RPS27A: variants seen among roughly 807,000 people sequenced by gnomAD.
The protein encoded by RPS27A is ubiquitin-ribosomal protein eS31 fusion protein.
RPS27A carries 1 observed loss-of-function variant against 18.9 expected under a neutral mutation model. The observed-to-expected ratio is 0.05, with a 90% confidence interval of 0.02 to 0.25. The LOEUF (loss-of-function observed/expected upper bound fraction) is 0.25, where lower values mean the gene tolerates loss of function less well. Among genes scored for constraint, RPS27A ranks in the 10% least tolerant of loss-of-function variants. The pLI is 1.00. For missense variants in RPS27A, 123 were observed against 187.4 expected (o/e 0.66, Z 2.01); for synonymous variants, 77 against 63.7 (o/e 1.21, Z -0.99).
Position 55,232,891 on chromosome 2 carries a change from T to G in RPS27A, c.48+19T>G, listed in dbSNP as rs1675549384. Reference sequence around the variant, plus strand: ...CCTCGAGGTACGGGCCGGGTGGTCATGAGGAAGCCAAGGTCCGAATAAGGT... The same window carrying G: ...CCTCGAGGTACGGGCCGGGTGGTCAGGAGGAAGCCAAGGTCCGAATAAGGT... On this transcript the variant is annotated intron_variant, in intron 2 of 5. Transcript: ENST00000272317. The G allele has an allele frequency of 3.1e-6, 5 of 1,607,856 alleles. No homozygotes were observed. Among genetic ancestry groups the G allele is most frequent in the Non-Finnish European group, 4.3e-6 (5 of 1,175,802 alleles).
rs754353277 is a variant in RPS27A at position 55,233,441 on chromosome 2, A to G, written c.103+24A>G. On this transcript the variant is annotated intron_variant, in intron 3 of 5. Coordinates refer to ENST00000272317, the MANE Select transcript of RPS27A (RefSeq NM_002954.6). ...AGGCAAGTAGTATTTTGTAGTTAAG[A>G]AAACTTAACCTGCGGAGACTTCGGC... 4 of 1,588,310 alleles carry G rather than the reference A, an allele frequency of 2.5e-6. No homozygotes were observed. In the South Asian group the frequency reaches 4.4e-5, roughly 18 times the overall value.
At chr2:55,234,002 A>G in intron 3 of RPS27A, 117 bp from the exon 4 acceptor site, 1 of 771,254 alleles carries the variant, frequency 1.3e-6, no homozygotes, top group South Asian at 1.4e-5. Flanking sequence ...AACCTCTAGT[A>G]AGGGCTTATT....
chr2:55,232,929 T>TCCACC, intron 2 of RPS27A, 57 bp downstream of exon 2: 3 of 1,375,952 alleles, frequency 2.2e-6, no homozygotes, highest in Non-Finnish European at 3.1e-6. Flanking sequence ...TGAGGTGGAT[T>TCCACC]TTAGGACCGG....
chr2:55,232,726 G>C lies in RPS27A; in HGVS notation c.-18+18G>C, dbSNP rs1675531546. 9.2e-7 allele frequency: 1 copy of C among 1,084,826 alleles called. No homozygotes were observed. Among genetic ancestry groups the C allele is most frequent in the African/African-American group, 1.5e-5 (1 of 64,922 alleles). 67.2% of individuals were successfully genotyped at this position (1,084,826 alleles called of 1,614,324 possible). ...CATCTGCGGTGGGTGTCTGCACTTC[G>C]GCTGCTCTCGGGTTAGCACCCTATG... On this transcript the variant is annotated intron_variant, in intron 1 of 5. Transcript: ENST00000272317.
chr2:55,234,419 C>G, intron 4 of RPS27A: 1 of 597,386 alleles, frequency 1.7e-6, no homozygotes, highest in East Asian at 2.8e-5. Context: ...CCAGGCTGGT[C>G]TCAAACTCCT....
chr2:55,234,553 G>T, intron 4 of RPS27A: 1 of 552,856 alleles, frequency 1.8e-6, no homozygotes, highest in South Asian at 2.1e-5. Flanking sequence ...AATAGCAGTA[G>T]ATTTTTAGGT....
chr2:55,234,992 A>C, intron 5 of RPS27A, 30 bp downstream of exon 5: 1 of 1,610,998 alleles, frequency 6.2e-7, no homozygotes, highest in Non-Finnish European at 8.5e-7. Context: ...GAATGTCAGC[A>C]AAGTCTTGGC....
Position 55,235,725 on chromosome 2 carries a change from G to C in RPS27A, c.*148G>C. The C allele has an allele frequency of 1.1e-6, 1 of 917,358 alleles. No individual in the cohort carries two copies. 56.8% of individuals were successfully genotyped at this position (917,358 alleles called of 1,614,324 possible). On this transcript the variant is annotated 3_prime_UTR_variant, in exon 6 of 6. Coordinates refer to ENST00000272317, the MANE Select transcript of RPS27A (RefSeq NM_002954.6). Reference sequence around the variant, plus strand: ...TCGCTGTGTGAATGTTGCCTCTGGGGATTATGTGACCCAGTGGTTCTGTAT... The same window carrying C: ...TCGCTGTGTGAATGTTGCCTCTGGGCATTATGTGACCCAGTGGTTCTGTAT...
intron 4 of RPS27A, 182 bp from the exon 5 acceptor site, chr2:55,234,649 C>T: frequency 1.5e-6 from 1 of 677,352 alleles, no homozygotes; most frequent in Non-Finnish European, 2.5e-6. Flanking sequence ...TAATGTAATG[C>T]ATTCTTTAAT....
intron 2 of RPS27A, 25 bp from the exon 3 acceptor site, chr2:55,233,338 C>T (rs910162794): frequency 1.2e-5 from 19 of 1,589,162 alleles, no homozygotes; most frequent in East Asian, 2.2e-5. Flanking sequence ...GTGTAACCAA[C>T]ATGCTTTCAC....
At position 55,234,399 on chromosome 2, in the gene RPS27A, G is replaced by A. The variant is rs1030868033; in HGVS notation, c.189+195G>A. On this transcript the variant is annotated intron_variant, in intron 4 of 5. Transcript: ENST00000272317. ...CCTGTAGTTGGAACTATAGGCACCC[G>A]CCACCATGCCCAGGCTGGTCTCAAA... The A allele has an allele frequency of 4.1e-5, 25 of 605,458 alleles. 1 individual carries two copies. Among genetic ancestry groups the A allele is most frequent in the Admixed American group, 2.9e-4 (10 of 34,710 alleles). 37.5% of individuals were successfully genotyped at this position (605,458 alleles called of 1,614,324 possible).
At chr2:55,233,962 T>C in intron 3 of RPS27A, 157 bp from the exon 4 acceptor site, 1 of 692,030 alleles carries the variant, frequency 1.4e-6, no homozygotes, top group Admixed American at 2.2e-5. Flanking sequence ...TGCGGTAAAA[T>C]GTGACATGTA....
chr2:55,232,458 T>C (rs1573823874), upstream of RPS27A: 1 of 342,502 alleles, frequency 2.9e-6, no homozygotes, highest in East Asian at 6.9e-5. Context: ...GGGAAAAGCC[T>C]TTTTAAAACA....
chr2:55,234,549 AG>A (rs1299436351), intron 4 of RPS27A: 1 of 551,920 alleles, frequency 1.8e-6, no homozygotes, highest in Non-Finnish European at 3.2e-6. Flanking sequence ...TTCGAATAGC[AG>A]TAGATTTTTA....
In RPS27A at chr2:55,235,566, GA is replaced by G; in HGVS notation, c.462del (p.Asp155ThrfsTer7). 1 of 1,602,838 alleles carries G rather than the reference GA, an allele frequency of 6.2e-7. No homozygotes were observed. Among genetic ancestry groups the G allele is most frequent in the Non-Finnish European group, 8.5e-7 (1 of 1,179,954 alleles). On this transcript the variant is annotated frameshift_variant, in exon 6 of 6. Transcript: ENST00000272317. LOFTEE classifies it high-confidence loss of function. ...TCTGACTTACTGTTTCAACAAACCA[GA>G]AGACAAGTAACTGTATGAGTTAATA... is the stretch of plus-strand genomic sequence containing the variant. Reference protein sequence around the residue: ...CCLTYCFNKPEDK With the variant: ...CCLTYCFNKPXDK
chr2:55,234,666 A>G lies in RPS27A; in HGVS notation c.190-165A>G, dbSNP rs186267216. 177 of 770,894 alleles carry G rather than the reference A, an allele frequency of 2.3e-4. No individual in the cohort carries two copies. In the East Asian group the frequency reaches 2.6e-3, roughly 11 times the overall value. 47.8% of individuals were successfully genotyped at this position (770,894 alleles called of 1,614,324 possible). A position where few individuals can be genotyped will look rare whatever the true frequency, so the allele number is the denominator to read the frequency against. ...ATGTAATGCATTCTTTAATGTCCCT[A>G]TAAACTGTCAGTTAAGAATCTGATA... On this transcript the variant is annotated intron_variant, in intron 4 of 5. Transcript: ENST00000272317.
In RPS27A at chr2:55,233,585, G is replaced by C. The variant is rs188991633; in HGVS notation, c.103+168G>C. ...TGGTGATCGGGGAGCACAGTACCTA[G>C]ATTGGAATCCTTGAGGTGTATTTCA... On this transcript the variant is annotated intron_variant, in intron 3 of 5. Coordinates refer to ENST00000272317, the MANE Select transcript of RPS27A (RefSeq NM_002954.6). The C allele has an allele frequency of 1.1e-5, 7 of 657,382 alleles. No individual in the cohort carries two copies. In the East Asian group the frequency reaches 1.7e-4, roughly 16 times the overall value. 40.7% of individuals were successfully genotyped at this position (657,382 alleles called of 1,614,324 possible).
At chr2:55,232,327 C>G, upstream of RPS27A, 1 of 227,514 alleles carries the variant, frequency 4.4e-6, no homozygotes, top group South Asian at 5.6e-5. Flanking sequence ...ACAAGTAGTC[C>G]AAGGTAGAAG....
intron 5 of RPS27A, 195 bp from the exon 6 acceptor site, chr2:55,235,233 A>G (rs1675729376): frequency 2.8e-6 from 2 of 725,916 alleles, no homozygotes; most frequent in South Asian, 1.8e-5. Context: ...GCTGGCCTTT[A>G]GTGTTCAAAA....
Sources: allele counts gnomAD v4.1 joint callset, GRCh38; gene constraint gnomAD v4.1.1; transcripts MANE v1.5; gene names NCBI Gene and HGNC (gene_info 2026-07-23, HGNC 2026-07-21).